Variants in RUNX1 observed in about 807,000 individuals in gnomAD.
RUNX1 encodes RUNX family transcription factor 1.
Under a neutral mutation model 42.8 loss-of-function variants are expected in RUNX1, and 19 were observed. The observed-to-expected ratio is 0.44, with a 90% CI of 0.31 to 0.65. The LOEUF (loss-of-function observed/expected upper bound fraction) is 0.65. Among genes scored for constraint, RUNX1 ranks in the 30% least tolerant of loss-of-function variants. The pLI, the probability that RUNX1 is intolerant of heterozygous loss-of-function variation, is 0.07. For missense variants in RUNX1, 528 were observed against 672.0 expected, an observed-to-expected ratio of 0.79 and a Z score of 2.37; for synonymous variants, 271 against 289.4, an observed-to-expected ratio of 0.94 and a Z score of 0.64.
chr21:34,883,183 A>T (rs897171178), intron 4 of RUNX1, among the ~76,000 whole-genome samples: 1 of 152,234 alleles, frequency 6.6e-6, no homozygotes, highest in Non-Finnish European at 1.5e-5. Flanking sequence ...AGGCTAAATA[A>T]GAAAAGGCTG....
intron 7 of RUNX1, among the ~76,000 whole-genome samples, chr21:34,826,002 T>C (rs1268585835): frequency 6.6e-6 from 1 of 152,214 alleles, no homozygotes; most frequent in Non-Finnish European, 1.5e-5. Flanking sequence ...AACACTTTGA[T>C]TTTGGACTTC....
At chr21:34,989,625 T>C (rs927152490) in intron 2 of RUNX1, among the ~76,000 whole-genome samples, 10 of 152,164 alleles carry the variant, frequency 6.6e-5, no homozygotes, top group African/African-American at 2.2e-4. Context: ...TCTTTCTCTT[T>C]TGATACATCA....
At chr21:34,840,534 G>C (rs2146109961) in intron 6 of RUNX1, among the ~76,000 whole-genome samples, 1 of 152,294 alleles carries the variant, frequency 6.6e-6, no homozygotes, top group Middle Eastern at 3.4e-3. Context: ...CTACTCAACT[G>C]GTTCTAAGCA....
At chr21:34,962,459 T>C (rs1043792772) in intron 2 of RUNX1, among the ~76,000 whole-genome samples, 2 of 152,232 alleles carry the variant, frequency 1.3e-5, no homozygotes, top group Non-Finnish European at 2.9e-5. Flanking sequence ...TAAAAGATAA[T>C]ATCACCAAAC....
intron 5 of RUNX1, among the ~76,000 whole-genome samples, chr21:34,872,326 C>T (rs779086390): frequency 1.9e-4 from 29 of 152,274 alleles, no homozygotes; most frequent in Non-Finnish European, 7.4e-5. Context: ...GAGGGGGTGG[C>T]TACAGTGGGG....
chr21:34,896,087 C>T (rs2058127791), intron 2 of RUNX1, among the ~76,000 whole-genome samples: 1 of 152,042 alleles, frequency 6.6e-6, no homozygotes, highest in South Asian at 2.1e-4. Flanking sequence ...AGAGAGACAT[C>T]GTGATGTCTC....
At chr21:34,892,416 C>T (rs1055954058) in intron 3 of RUNX1, among the ~76,000 whole-genome samples, 1 of 152,188 alleles carries the variant, frequency 6.6e-6, no homozygotes, top group East Asian at 1.9e-4. Context: ...CTTCCTCCAT[C>T]TGAATGTTTC....
At chr21:34,892,009 A>T (rs1465768140) in intron 3 of RUNX1, among the ~76,000 whole-genome samples, 2 of 152,236 alleles carry the variant, frequency 1.3e-5, no homozygotes, top group African/African-American at 4.8e-5. Flanking sequence ...AAGCCTCCCC[A>T]AAATATGCAT....
intron 2 of RUNX1, among the ~76,000 whole-genome samples, chr21:34,902,520 G>T (rs9977633): frequency 0.02 from 3,063 of 152,100 alleles, 107 homozygotes; most frequent in African/African-American, 0.069. Context: ...CTATATAAAG[G>T]TATACATGAG....
At chr21:35,035,085 G>A (rs370096441) in intron 2 of RUNX1, among the ~76,000 whole-genome samples, 15 of 152,316 alleles carry the variant, frequency 9.8e-5, no homozygotes, top group East Asian at 5.8e-4. Context: ...GTGTAAGGAA[G>A]AAAATGGGAA....
intron 2 of RUNX1, among the ~76,000 whole-genome samples, chr21:35,020,677 A>G (rs971600980): frequency 2.0e-5 from 3 of 152,074 alleles, no homozygotes; most frequent in South Asian, 2.1e-4. Flanking sequence ...CTCTTGCCCC[A>G]TCATCCATCT....
chr21:34,907,612 C>T lies in RUNX1; in HGVS notation c.59-14649G>A, dbSNP rs533780916. Among the ~76,000 whole-genome samples, 1 of 151,136 alleles carries T rather than the reference C, an allele frequency of 6.6e-6. No individual in the cohort carries two copies. The highest frequency in any genetic ancestry group is 2.1e-4 in the South Asian group (1 of 4,760). On this transcript the variant is annotated intron_variant, in intron 2 of 8. Transcript: ENST00000675419. The surrounding 1 kb of genome is among the most constrained non-coding windows in gnomAD (Gnocchi z 5.3). ...TTGGTGTTTGGCTCCCTGTGACTCT[C>T]TGAAGTTCTCCTTTCTGTGCCTCCG...
At chr21:34,989,493 T>C (rs530805961) in intron 2 of RUNX1, among the ~76,000 whole-genome samples, 1 of 152,234 alleles carries the variant, frequency 6.6e-6, no homozygotes, top group East Asian at 1.9e-4. Flanking sequence ...AAGTTACTTT[T>C]GGAAGCCAGG....
At chr21:35,041,805 G>A (rs903268768) in intron 2 of RUNX1, among the ~76,000 whole-genome samples, 3 of 151,812 alleles carry the variant, frequency 2.0e-5, no homozygotes, top group African/African-American at 7.3e-5. Flanking sequence ...AGTGTTTAAA[G>A]CCTAGATAGA....
intron 5 of RUNX1, among the ~76,000 whole-genome samples, chr21:34,866,087 T>TA (rs935307905): frequency 6.6e-6 from 1 of 151,884 alleles, no homozygotes; most frequent in African/African-American, 2.4e-5. Context: ...TGTAGGTCTG[T>TA]AAGCATGAGT....
At chr21:34,799,556 G>A (rs2056579973) in intron 7 of RUNX1, 94 bp from the exon 8 acceptor site, 1 of 1,120,634 alleles carries the variant, frequency 8.9e-7, no homozygotes, top group Admixed American at 1.9e-5. Context: ...GTTCAAATAT[G>A]TCACATACAT....
chr21:35,009,474 C>G (rs1351772530), intron 2 of RUNX1, among the ~76,000 whole-genome samples: 1 of 152,204 alleles, frequency 6.6e-6, no homozygotes, highest in Non-Finnish European at 1.5e-5. Context: ...AATAATTACA[C>G]TCCGGTCAAT....
intron 5 of RUNX1, among the ~76,000 whole-genome samples, chr21:34,871,560 C>A (rs78243547): frequency 6.6e-6 from 1 of 152,150 alleles, no homozygotes; most frequent in African/African-American, 2.4e-5. Flanking sequence ...AGTCTCCCTA[C>A]GGATTTTTGT....
At chr21:34,974,481 C>A (rs755657848) in intron 2 of RUNX1, among the ~76,000 whole-genome samples, 6 of 151,864 alleles carry the variant, frequency 4.0e-5, no homozygotes, top group Non-Finnish European at 7.4e-5. Context: ...TGACTTGAAG[C>A]CGGAGAGAGC....
Sources: allele counts gnomAD v4.1 joint callset (sites outside exome capture counted in the v4.1 genomes callset), GRCh38; gene constraint gnomAD v4.1.1; non-coding constraint Gnocchi (gnomAD v3.1); transcripts MANE v1.5; gene names NCBI Gene and HGNC (gene_info 2026-07-23, HGNC 2026-07-21).